DLG2: variants seen among roughly 807,000 people sequenced by gnomAD.
The protein encoded by DLG2 is disks large homolog 2.
Under a neutral mutation model 132.5 loss-of-function variants are expected in DLG2, and 45 were observed. The ratio of observed to expected loss-of-function variants is 0.34; its 90% CI spans 0.27 to 0.44. The LOEUF (loss-of-function observed/expected upper bound fraction) is 0.44. Ranked by LOEUF, DLG2 falls within the 20% of genes least tolerant of loss-of-function variation. The pLI, the probability that DLG2 is intolerant of heterozygous loss-of-function variation, is 1.00. For synonymous variants in DLG2, 424 were observed against 419.6 expected (o/e 1.01, Z -0.13); for missense variants, 1,045 against 1,196.9 (o/e 0.87, Z 1.87).
At chr11:84,457,195 T>C (rs961747846) in intron 7 of DLG2, among the ~76,000 whole-genome samples, 1 of 150,978 alleles carries the variant, frequency 6.6e-6, no homozygotes, top group African/African-American at 2.4e-5. Flanking sequence ...AGACAATATA[T>C]CAAATAGTTA....
chr11:85,559,157 T>A (rs960198443), intron 3 of DLG2, among the ~76,000 whole-genome samples: 18 of 142,606 alleles, frequency 1.3e-4, no homozygotes, highest in African/African-American at 4.5e-4. Context: ...TTATTATTAT[T>A]TTTTTTTTTT....
intron 19 of DLG2, among the ~76,000 whole-genome samples, chr11:83,611,451 A>G (rs1396675357): frequency 6.6e-6 from 1 of 152,192 alleles, no homozygotes; most frequent in Non-Finnish European, 1.5e-5. Context: ...TATAGAAAAC[A>G]AACATCGTGT....
At chr11:83,853,697 A>G (rs2060110489) in intron 16 of DLG2, among the ~76,000 whole-genome samples, 1 of 152,162 alleles carries the variant, frequency 6.6e-6, no homozygotes, top group South Asian at 2.1e-4. Flanking sequence ...GAAAATGAAA[A>G]CTTTCAGTAA....
At chr11:84,425,313 T>G (rs1234599170) in intron 7 of DLG2, among the ~76,000 whole-genome samples, 2 of 152,120 alleles carry the variant, frequency 1.3e-5, no homozygotes, top group Non-Finnish European at 2.9e-5. Flanking sequence ...TAGGTGATTT[T>G]AAGAAACTGG....
chr11:84,033,899 AAAAC>A (rs138062026), intron 11 of DLG2, among the ~76,000 whole-genome samples: 118,037 of 149,944 alleles, frequency 0.79, 46,893 homozygotes, highest in Non-Finnish European at 0.86. Flanking sequence ...AACAAAAACA[AAAAC>A]AAACAAACAA....
chr11:85,346,423 C>T (rs1278102826), intron 3 of DLG2, among the ~76,000 whole-genome samples: 1 of 152,144 alleles, frequency 6.6e-6, no homozygotes, highest in East Asian at 1.9e-4. Flanking sequence ...CTCCTGACCT[C>T]GTGATCTGCC....
At chr11:83,884,095 G>A (rs1275758495) in intron 15 of DLG2, among the ~76,000 whole-genome samples, 1 of 152,204 alleles carries the variant, frequency 6.6e-6, no homozygotes, top group Non-Finnish European at 1.5e-5. Flanking sequence ...GTGGGTACAG[G>A]ACAGTGGGTG....
chr11:83,998,541 G>A (rs892015015), intron 11 of DLG2, among the ~76,000 whole-genome samples: 3 of 152,236 alleles, frequency 2.0e-5, no homozygotes, highest in African/African-American at 7.2e-5. Flanking sequence ...TGGGAGATGA[G>A]AGACTCCTCA....
At chr11:84,975,848 G>A (rs117602507) in intron 6 of DLG2, among the ~76,000 whole-genome samples, 22 of 152,252 alleles carry the variant, frequency 1.4e-4, no homozygotes, top group Admixed American at 4.6e-4. Context: ...CCCAGATTTC[G>A]TTGTTTTCCG....
chr11:83,622,876 A>G (rs2061845538), intron 19 of DLG2, among the ~76,000 whole-genome samples: 1 of 152,202 alleles, frequency 6.6e-6, no homozygotes, highest in Non-Finnish European at 1.5e-5. Flanking sequence ...AAGAATGTAT[A>G]TCCTGTGTTT....
At chr11:84,464,329 A>T (rs1204789424) in intron 7 of DLG2, among the ~76,000 whole-genome samples, 1 of 151,210 alleles carries the variant, frequency 6.6e-6, no homozygotes, top group Non-Finnish European at 1.5e-5. Flanking sequence ...GCAACAAATG[A>T]TGCTGGGTAC....
intron 21 of DLG2, among the ~76,000 whole-genome samples, chr11:83,503,355 A>G (rs2094527689): frequency 1.0e-5 from 1 of 96,770 alleles, no homozygotes; most frequent in Non-Finnish European, 2.3e-5. Context: ...ATATATATAC[A>G]CACACACACC....
At chr11:84,935,041 T>G (rs1228722185) in intron 6 of DLG2, among the ~76,000 whole-genome samples, 1 of 152,150 alleles carries the variant, frequency 6.6e-6, no homozygotes, top group Non-Finnish European at 1.5e-5. Flanking sequence ...TTTTAAGAAA[T>G]GGCACTTCAT....
intron 17 of DLG2, among the ~76,000 whole-genome samples, chr11:83,829,138 A>T (rs993528069): frequency 1.3e-5 from 2 of 151,498 alleles, no homozygotes; most frequent in Non-Finnish European, 2.9e-5. Context: ...TATTGTTAAC[A>T]TGACTTATTT....
chr11:85,119,260 G>T (rs926884721), intron 5 of DLG2, among the ~76,000 whole-genome samples: 2 of 151,590 alleles, frequency 1.3e-5, no homozygotes, highest in Non-Finnish European at 2.9e-5. Context: ...CTGCAGTCTG[G>T]GATTATTTAC....
At chr11:84,444,895 C>A (rs1470627065) in intron 7 of DLG2, among the ~76,000 whole-genome samples, 1 of 151,956 alleles carries the variant, frequency 6.6e-6, no homozygotes, top group Non-Finnish European at 1.5e-5. Flanking sequence ...CTCCGCTTCC[C>A]AGGTTGAAGC....
chr11:85,052,527 G>A (rs1056188033), intron 6 of DLG2, among the ~76,000 whole-genome samples: 1 of 152,052 alleles, frequency 6.6e-6, no homozygotes, highest in South Asian at 2.1e-4. Flanking sequence ...ACAGAAACTT[G>A]GTAATGAATT....
In DLG2 at chr11:84,890,996, T is replaced by C. The variant is rs1349446865; in HGVS notation, c.357+220665A>G. The C allele has an allele frequency of 2.6e-5, 4 of 152,308 alleles. No individual in the cohort carries two copies. The East Asian group carries it at 5.8e-4, about 22-fold the overall frequency. 9.4% of individuals were successfully genotyped at this position (152,308 alleles called of 1,614,324 possible). On this transcript the variant is annotated intron_variant, in intron 6 of 27. Coordinates refer to ENST00000376104, the MANE Select transcript of DLG2 (RefSeq NM_001142699.3). Reference sequence around the variant, plus strand: ...CTCTTAAGTCCAATTCTCAGGACTTTGGCTTAGTTACTTCTGATCCTTAGA... The same window carrying C: ...CTCTTAAGTCCAATTCTCAGGACTTCGGCTTAGTTACTTCTGATCCTTAGA...
At chr11:85,069,175 G>A (rs1015722373) in intron 6 of DLG2, among the ~76,000 whole-genome samples, 1 of 151,200 alleles carries the variant, frequency 6.6e-6, no homozygotes, top group African/African-American at 2.4e-5. Flanking sequence ...AGACTTAAAT[G>A]TTAGACCTAA....
Sources: allele counts gnomAD v4.1 joint callset (sites outside exome capture counted in the v4.1 genomes callset), GRCh38; gene constraint gnomAD v4.1.1; transcripts MANE v1.5; gene names NCBI Gene and HGNC (gene_info 2026-07-23, HGNC 2026-07-21).